Variants in FKRP observed in about 807,000 individuals in gnomAD.
FKRP encodes fukutin related protein, also known as ribitol 5-phosphate transferase FKRP.
FKRP carries 25 observed loss-of-function variants against 30.6 expected under a neutral mutation model. The observed-to-expected ratio is 0.82, with a 90% CI of 0.60 to 1.14. The LOEUF is 1.14. Ranked by LOEUF, FKRP falls within the 50% of genes most tolerant of loss-of-function variation. The pLI is 0.00. For synonymous variants in FKRP, 358 were observed against 342.5 expected, an observed-to-expected ratio of 1.05 and a Z score of -0.50; for missense variants, 771 against 727.8, an observed-to-expected ratio of 1.06 and a Z score of -0.68.
At chr19:46,746,033 C>A (rs1255989752), upstream of FKRP, 18 of 1,217,080 alleles carry the variant, frequency 1.5e-5, 2 homozygotes, top group Non-Finnish European at 1.6e-5. Flanking sequence ...CCCCTCCCGC[C>A]CCCCCGCCGG....
At chr19:46,750,632 C>G (rs771689352) in intron 3 of FKRP, among the ~76,000 whole-genome samples, 3 of 152,000 alleles carry the variant, frequency 2.0e-5, no homozygotes, top group Non-Finnish European at 4.4e-5. Flanking sequence ...CTCAAGGGAC[C>G]CTCCTGCCTC....
Position 46,756,538 on chromosome 19 carries a change from T to G in FKRP, c.1088T>G (p.Val363Gly). ...HGDIIPWDYD[V>G]DLGIYLEDVG... ...GACATCATCCCATGGGACTACGACG[T>G]GGACCTGGGCATCTACTTGGAGGAC... is the stretch of plus-strand genomic sequence containing the variant. The change falls in exon 4 of 4, where the codon GTG becomes GGG. Residue 363 changes from valine to glycine, a missense_variant. Val to Gly is a moderately radical substitution (Grantham distance 109, BLOSUM62 -3). Transcript: ENST00000318584. This position sits in a 1 kb window ranked among gnomAD's most constrained non-coding sequence, Gnocchi z 6.6. 6.2e-7 allele frequency: 1 copy of G among 1,603,004 alleles called. No homozygotes were observed. Among genetic ancestry groups the G allele is most frequent in the Non-Finnish European group, 8.5e-7 (1 of 1,176,220 alleles).
chr19:46,756,800 G>T lies in FKRP; in HGVS notation c.1350G>T (p.Val450=). Residue 450 remains valine, a synonymous_variant, in exon 4 of 4, where the codon GTG becomes GTT. Coordinates refer to ENST00000318584, the MANE Select transcript of FKRP (RefSeq NM_024301.5). The surrounding 1 kb of genome is among the most constrained non-coding windows in gnomAD (Gnocchi z 6.6). The stretch of plus-strand genomic sequence containing the variant: ...CCGAGCACTTCCTGCAGCCGCTGGT[G>T]CCCCTGCCCTTTGCCGGCTTCGTGG... ...EFPEHFLQPL[V]PLPFAGFVAQ... 6.2e-7 allele frequency: 1 copy of T among 1,600,870 alleles called. No homozygotes were observed.
At chr19:46,753,080 C>T (rs764821225) in intron 3 of FKRP, among the ~76,000 whole-genome samples, 10 of 151,200 alleles carry the variant, frequency 6.6e-5, no homozygotes, top group African/African-American at 1.2e-4. Context: ...GCAAGAGAAT[C>T]GCTTGAACCC....
intron 1 of FKRP, chr19:46,746,434 G>A (rs1403623446): frequency 3.0e-6 from 3 of 1,014,218 alleles, no homozygotes; most frequent in East Asian, 9.8e-5. Context: ...CCATCATGGA[G>A]GCCCCGGGGC....
rs541355514 is a variant in FKRP at position 46,756,971 on chromosome 19, G to T, written c.*33G>T. ...ATAACCTCGCCTTTGTTTTTCGGGG[G>T]TCTGTCTGGATGTGGAGAAGCTCTG... On this transcript the variant is annotated 3_prime_UTR_variant, in exon 4 of 4. Transcript: ENST00000318584. This position sits in a 1 kb window ranked among gnomAD's most constrained non-coding sequence, Gnocchi z 6.6. 6.2e-7 allele frequency: 1 copy of T among 1,610,770 alleles called. No homozygotes were observed. Among genetic ancestry groups the T allele is most frequent in the East Asian group, 2.2e-5 (1 of 44,834 alleles).
Position 46,756,889 on chromosome 19 carries a change from A to G in FKRP, c.1439A>G (p.Asn480Ser), listed in dbSNP as rs369666163. ...ELKFGPGVIE[N>S]PQYPNPALLS... ...AAGTTCGGGCCCGGGGTCATCGAGA[A>G]CCCCCAGTACCCCAACCCGGCACTG... is the stretch of plus-strand genomic sequence containing the variant. The change falls in exon 4 of 4, where the codon AAC becomes AGC. Residue 480 changes from asparagine (N) to serine (S), a missense_variant. Coordinates refer to ENST00000318584, the MANE Select transcript of FKRP (RefSeq NM_024301.5). The surrounding 1 kb of genome is among the most constrained non-coding windows in gnomAD (Gnocchi z 6.6). The G allele has an allele frequency of 6.2e-7, 1 of 1,612,282 alleles. No homozygotes were observed. The highest frequency in any genetic ancestry group is 1.3e-5 in the African/African-American group (1 of 74,750).
chr19:46,745,185 A>G (rs2054557004), upstream of FKRP, among the ~76,000 whole-genome samples: 1 of 151,916 alleles, frequency 6.6e-6, no homozygotes, highest in Admixed American at 6.6e-5. Flanking sequence ...GACATGCCCA[A>G]CACCCCACAC....
At chr19:46,746,136 G>A (rs763353721) in intron 1 of FKRP, 46 bp downstream of exon 1, 102 of 1,502,806 alleles carry the variant, frequency 6.8e-5, no homozygotes, top group Middle Eastern at 1.8e-4. Flanking sequence ...GGGGGTCCCG[G>A]GACAGCGCTC....
chr19:46,752,550 A>C (rs1327751342), intron 3 of FKRP, among the ~76,000 whole-genome samples: 1 of 152,192 alleles, frequency 6.6e-6, no homozygotes, highest in Non-Finnish European at 1.5e-5. Flanking sequence ...TCTAAGGTCC[A>C]GAAGGCAATT....
chr19:46,745,325 T>A (rs191333935), upstream of FKRP, among the ~76,000 whole-genome samples: 1 of 152,198 alleles, frequency 6.6e-6, no homozygotes, highest in African/African-American at 2.4e-5. Flanking sequence ...CTAGGGTACA[T>A]TCCCTGCTCT....
Position 46,756,139 on chromosome 19 carries a change from G to T in FKRP, c.689G>T (p.Gly230Val). Reference sequence around the variant, plus strand: ...CTCTTTCTGCAGACCGCCCTTCGCGGCTGGGCGGTGCAGCTGCTGGACTTG... The same window carrying T: ...CTCTTTCTGCAGACCGCCCTTCGCGTCTGGGCGGTGCAGCTGCTGGACTTG... ...TSLFLQTALR[G>V]WAVQLLDLTF... is the part of the protein sequence containing the mutation. Residue 230 changes from glycine (G) to valine (V), a missense_variant, in exon 4 of 4, where the codon GGC (glycine) becomes GTC (valine). By Grantham distance (109) the Gly-to-Val change is moderately radical. Transcript: ENST00000318584. The surrounding 1 kb of genome is among the most constrained non-coding windows in gnomAD (Gnocchi z 6.6). The T allele has an allele frequency of 6.8e-7, 1 of 1,480,530 alleles. No individual in the cohort carries two copies. The highest frequency in any genetic ancestry group is 8.9e-7 in the Non-Finnish European group (1 of 1,124,612). 91.7% of individuals were successfully genotyped at this position (1,480,530 alleles called of 1,614,324 possible).
chr19:46,757,694 A>C lies in FKRP; in HGVS notation c.*756A>C. 1 of 168,138 alleles carries C rather than the reference A, an allele frequency of 5.9e-6. No homozygotes were observed. The highest frequency in any genetic ancestry group is 6.5e-5 in the Admixed American group (1 of 15,418). The allele number at this position is 168,138 out of a possible 1,614,324, so 10.4% of individuals were successfully genotyped here. On this transcript the variant is annotated 3_prime_UTR_variant, in exon 4 of 4. Transcript: ENST00000318584. ...CCCTGTGACCTGCATGCTACTCTTA[A>C]CTGTTCTATTCAAGACTGAATAGAA... is the stretch of plus-strand genomic sequence containing the variant.
At chr19:46,751,371 A>AT (rs889360049) in intron 3 of FKRP, among the ~76,000 whole-genome samples, 3 of 151,218 alleles carry the variant, frequency 2.0e-5, no homozygotes, top group South Asian at 2.1e-4. Context: ...GCCAAGATGC[A>AT]TTTTTTTGTT....
rs1176892425 is a variant in FKRP at position 46,754,811 on chromosome 19, G to A, written c.-39-601G>A. Among the ~76,000 whole-genome samples, 509 of 151,162 alleles carry A rather than the reference G, an allele frequency of 3.4e-3. 3 individuals are homozygous for A. The highest frequency in any genetic ancestry group is 0.012 in the African/African-American group (485 of 40,602). ...AGTAGAGATGGGGTTTCACCGTGTT[G>A]GCCAGGCTGGTCTCAAACTCCTGAC... is the stretch of plus-strand genomic sequence containing the variant. On this transcript the variant is annotated intron_variant, in intron 3 of 3. Coordinates refer to ENST00000318584, the MANE Select transcript of FKRP (RefSeq NM_024301.5).
Position 46,756,800 on chromosome 19 carries a change from G to A in FKRP, c.1350G>A (p.Val450=). 6.2e-7 allele frequency: 1 copy of A among 1,600,870 alleles called. No homozygotes were observed. Among genetic ancestry groups the A allele is most frequent in the Non-Finnish European group, 8.5e-7 (1 of 1,174,276 alleles). Residue 450 remains valine, a synonymous_variant, in exon 4 of 4, where the codon GTG becomes GTA. Transcript: ENST00000318584. This position sits in a 1 kb window ranked among gnomAD's most constrained non-coding sequence, Gnocchi z 6.6. The stretch of plus-strand genomic sequence containing the variant: ...CCGAGCACTTCCTGCAGCCGCTGGT[G>A]CCCCTGCCCTTTGCCGGCTTCGTGG... ...EFPEHFLQPL[V]PLPFAGFVAQ... is the part of the protein sequence containing the mutation.
chr19:46,752,539 A>T (rs1379629326), intron 3 of FKRP, among the ~76,000 whole-genome samples: 1 of 152,160 alleles, frequency 6.6e-6, no homozygotes, highest in Non-Finnish European at 1.5e-5. Context: ...GGAAGAATCA[A>T]TCTAAGGTCC....
intron 3 of FKRP, chr19:46,754,220 T>A (rs2054853840): frequency 6.6e-6 from 1 of 152,052 alleles, no homozygotes; most frequent in Non-Finnish European, 1.5e-5. Flanking sequence ...TTATTTTTTG[T>A]AGAGATGAAG....
At chr19:46,750,704 A>AT (rs771136905) in intron 3 of FKRP, among the ~76,000 whole-genome samples, 2 of 151,616 alleles carry the variant, frequency 1.3e-5, no homozygotes, top group South Asian at 4.1e-4. Flanking sequence ...TGATTTTTGT[A>AT]TTTTTTTAGA....
Sources: gnomAD v4.1 joint callset for allele counts (sites outside exome capture counted in the v4.1 genomes callset) on GRCh38, gnomAD v4.1.1 for gene constraint, Gnocchi (gnomAD v3.1) non-coding constraint, MANE v1.5 for transcripts, NCBI Gene and HGNC (gene_info 2026-07-23, HGNC 2026-07-21) for gene names.